Variants in CCDC7 observed in about 807,000 individuals in gnomAD.
The protein encoded by CCDC7 is coiled-coil domain containing 7.
In CCDC7, 183 loss-of-function variants were observed where a neutral mutation model predicts 196.9. That is an observed-to-expected ratio of 0.93 (90% CI 0.82 to 1.05). CCDC7 has a LOEUF of 1.05. Ranked by LOEUF, CCDC7 falls within the 50% of genes least tolerant of loss-of-function variation. The pLI is 0.00. For missense variants in CCDC7, 1,540 were observed against 1,482.2 expected, an observed-to-expected ratio of 1.04 and a Z score of -0.64; for synonymous variants, 525 against 484.6, an observed-to-expected ratio of 1.08 and a Z score of -1.10.
chr10:32,534,230 G>C (rs1158204539), intron 11 of CCDC7, among the ~76,000 whole-genome samples: 1 of 152,032 alleles, frequency 6.6e-6, no homozygotes, highest in Non-Finnish European at 1.5e-5. Context: ...GTATTTCTCA[G>C]TTCCAAGATT....
chr10:32,672,414 G>A (rs11597544), intron 21 of CCDC7, among the ~76,000 whole-genome samples: 1 of 152,098 alleles, frequency 6.6e-6, no homozygotes, highest in East Asian at 1.9e-4. Context: ...CTGAGGTGTG[G>A]GTGGGTTCAA....
intron 18 of CCDC7, among the ~76,000 whole-genome samples, chr10:32,595,563 G>A (rs1014141950): frequency 1.3e-5 from 2 of 152,074 alleles, no homozygotes; most frequent in African/African-American, 4.8e-5. Context: ...TCTGATCTTA[G>A]TTATTTCTTG....
At chr10:32,532,038 A>G (rs1344582894) in intron 11 of CCDC7, among the ~76,000 whole-genome samples, 1 of 151,870 alleles carries the variant, frequency 6.6e-6, no homozygotes, top group African/African-American at 2.4e-5. Context: ...AATATCATGT[A>G]TTTCTGCTTT....
At chr10:32,824,421 T>G in intron 31 of CCDC7, 97 bp from the exon 33 acceptor site, 1 of 668,484 alleles carries the variant, frequency 1.5e-6, no homozygotes, top group Non-Finnish European at 2.5e-6. Flanking sequence ...TCTACTCCAA[T>G]GAAGAATATT....
At chr10:32,740,215 A>G (rs1041384466) in intron 28 of CCDC7, among the ~76,000 whole-genome samples, 1 of 152,190 alleles carries the variant, frequency 6.6e-6, no homozygotes, top group South Asian at 2.1e-4. Context: ...ATATTGTATA[A>G]TAAAGCCTGT....
At chr10:32,755,881 A>G (rs758775917) in intron 28 of CCDC7, among the ~76,000 whole-genome samples, 8 of 152,238 alleles carry the variant, frequency 5.3e-5, no homozygotes, top group Admixed American at 1.3e-4. Flanking sequence ...CGAATGGCTA[A>G]CTAGAATAAA....
At chr10:32,497,012 G>A (rs373269486) in intron 9 of CCDC7, among the ~76,000 whole-genome samples, 27 of 152,050 alleles carry the variant, frequency 1.8e-4, no homozygotes, top group East Asian at 7.7e-4. Context: ...CTGTGAATCC[G>A]TCTGGTCCTG....
chr10:32,755,312 T>A (rs2076251137), intron 28 of CCDC7, among the ~76,000 whole-genome samples: 1 of 152,174 alleles, frequency 6.6e-6, no homozygotes, highest in South Asian at 2.1e-4. Context: ...ATGGAGAAAC[T>A]GCATCCTCAA....
chr10:32,707,917 A>G (rs903150805), intron 24 of CCDC7, among the ~76,000 whole-genome samples: 10 of 152,234 alleles, frequency 6.6e-5, no homozygotes, highest in Non-Finnish European at 1.3e-4. Context: ...TATAGATTCA[A>G]TGCCATCCCC....
chr10:32,542,732 A>G (rs2051699351), intron 11 of CCDC7, among the ~76,000 whole-genome samples: 1 of 151,810 alleles, frequency 6.6e-6, no homozygotes, highest in Non-Finnish European at 1.5e-5. Flanking sequence ...GTGGTATGAC[A>G]TTTTAATTTC....
intron 33 of CCDC7, among the ~76,000 whole-genome samples, chr10:32,843,332 C>CA (rs2093092778): frequency 6.6e-6 from 1 of 151,678 alleles, no homozygotes; most frequent in African/African-American, 2.4e-5. Context: ...AATAGTAGTG[C>CA]AAAAATGTTG....
intron 11 of CCDC7, among the ~76,000 whole-genome samples, chr10:32,530,722 C>T (rs1351489689): frequency 6.6e-6 from 1 of 152,082 alleles, no homozygotes; most frequent in South Asian, 2.1e-4. Flanking sequence ...AATTAGACTT[C>T]TTCCTTTACA....
intron 18 of CCDC7, among the ~76,000 whole-genome samples, chr10:32,618,041 TA>T (rs1206079309): frequency 6.6e-6 from 1 of 152,022 alleles, no homozygotes; most frequent in African/African-American, 2.4e-5. Context: ...TTATCTGATT[TA>T]ACCATAGCTA....
chr10:32,473,586 G>A (rs1176879876), intron 7 of CCDC7, among the ~76,000 whole-genome samples: 1 of 152,168 alleles, frequency 6.6e-6, no homozygotes, highest in African/African-American at 2.4e-5. Flanking sequence ...CCTTAGATGT[G>A]TGATCAGTAC....
chr10:32,681,385 G>A (rs1169148748), intron 21 of CCDC7, among the ~76,000 whole-genome samples: 2 of 152,026 alleles, frequency 1.3e-5, no homozygotes, highest in Non-Finnish European at 2.9e-5. Flanking sequence ...AGGTGGTCTG[G>A]CCAGACGCAC....
chr10:32,444,464 T>C (rs1240495892), upstream of CCDC7, among the ~76,000 whole-genome samples: 4 of 152,260 alleles, frequency 2.6e-5, no homozygotes, highest in South Asian at 2.1e-4. Context: ...GCTAGACTCA[T>C]GCTGAGAGTT....
At chr10:32,466,561 A>T (rs2036843782) in intron 5 of CCDC7, among the ~76,000 whole-genome samples, 1 of 152,182 alleles carries the variant, frequency 6.6e-6, no homozygotes, top group South Asian at 2.1e-4. Flanking sequence ...GATAAGGATA[A>T]TGGCCTCCAG....
chr10:32,869,890 A>C (rs1171957939), intron 41 of CCDC7, among the ~76,000 whole-genome samples: 2 of 150,966 alleles, frequency 1.3e-5, no homozygotes, highest in African/African-American at 4.8e-5. Flanking sequence ...AGGTTTGTCA[A>C]AGATCAGATG....
chr10:32,792,757 G>A (rs1190376082), intron 29 of CCDC7, among the ~76,000 whole-genome samples: 2 of 152,152 alleles, frequency 1.3e-5, no homozygotes, highest in East Asian at 3.9e-4. Context: ...CCGAGATCAC[G>A]CCATTGCACT....
Sources: allele counts gnomAD v4.1 joint callset (sites outside exome capture counted in the v4.1 genomes callset), GRCh38; gene constraint gnomAD v4.1.1; transcripts MANE v1.5; gene names NCBI Gene and HGNC (gene_info 2026-07-23, HGNC 2026-07-21).